The following ADAMTSL3 variants were observed in gnomAD, a reference collection of about 807,000 sequenced individuals.
ADAMTSL3 encodes the protein ADAMTS like 3, also known as ADAMTS-like protein 3.
In ADAMTSL3, 128 loss-of-function variants were observed where a neutral mutation model predicts 201.7. The ratio of observed to expected loss-of-function variants is 0.63; its 90% confidence interval spans 0.55 to 0.73. ADAMTSL3 has a LOEUF of 0.73. Ranked by LOEUF, ADAMTSL3 falls within the 30% of genes least tolerant of loss-of-function variation. ADAMTSL3 has a pLI of 0.00. For synonymous variants in ADAMTSL3, 738 were observed against 748.4 expected, an observed-to-expected ratio of 0.99 and a Z score of 0.23; for missense variants, 1,990 against 2,119.6, an observed-to-expected ratio of 0.94 and a Z score of 1.20.
Position 83,948,479 on chromosome 15 carries a change from T to C in ADAMTSL3, c.2490+5397T>C, listed in dbSNP as rs145665762. On this transcript the variant is annotated intron_variant, in intron 19 of 29. Transcript: ENST00000286744. Reference sequence around the variant, plus strand: ...GAATGAAACACTTTCAGCTTATCGATGGTGCTTAGGATGGAAGTGCCCTCA... The same window carrying C: ...GAATGAAACACTTTCAGCTTATCGACGGTGCTTAGGATGGAAGTGCCCTCA... Among the ~76,000 whole-genome samples the C allele has an allele frequency of 8.1e-3, 1,225 of 151,368 alleles. 14 individuals are homozygous for C. Among genetic ancestry groups the C allele is most frequent in the African/African-American group, 0.028 (1,148 of 41,188 alleles).
At chr15:84,001,995 A>T (rs1424533321) in intron 23 of ADAMTSL3, among the ~76,000 whole-genome samples, 2 of 152,156 alleles carry the variant, frequency 1.3e-5, no homozygotes, top group African/African-American at 2.4e-5. Flanking sequence ...TTGTATTTGG[A>T]TTATTGATTT....
At chr15:83,655,703 G>A in intron 1 of ADAMTSL3, 26 bp from the exon 2 acceptor site, 1 of 1,560,762 alleles carries the variant, frequency 6.4e-7, no homozygotes, top group Non-Finnish European at 8.8e-7. Context: ...GAGCTGGTTG[G>A]TAATGAACTC....
At chr15:83,890,391 T>G in intron 11 of ADAMTSL3, 144 bp downstream of exon 11, 1 of 1,026,450 alleles carries the variant, frequency 9.7e-7, no homozygotes, top group Admixed American at 2.7e-5. Context: ...CATTTGTAAC[T>G]ATGGTGCATA....
intron 2 of ADAMTSL3, among the ~76,000 whole-genome samples, chr15:83,701,198 A>G (rs1214139616): frequency 6.6e-6 from 1 of 152,142 alleles, no homozygotes; most frequent in Non-Finnish European, 1.5e-5. Flanking sequence ...ATAGTCACAG[A>G]TCCATGTATT....
Position 83,734,031 on chromosome 15 carries a change from C to T in ADAMTSL3, c.189+29523C>T, listed in dbSNP as rs979736145. On this transcript the variant is annotated intron_variant, in intron 3 of 29. Coordinates refer to ENST00000286744, the MANE Select transcript of ADAMTSL3 (RefSeq NM_207517.3). ...GAGGGAAGCGTGGTGAGTCTCTCAGCGTAAAAGGAATAGTGAGTCTCTGAG... is the reference window on the plus strand; with the variant it reads ...GAGGGAAGCGTGGTGAGTCTCTCAGTGTAAAAGGAATAGTGAGTCTCTGAG... Among the ~76,000 whole-genome samples, 4 of 151,918 alleles carry T rather than the reference C, an allele frequency of 2.6e-5. No individual in the cohort carries two copies. In the South Asian group the frequency reaches 6.2e-4, roughly 24 times the overall value.
intron 3 of ADAMTSL3, among the ~76,000 whole-genome samples, chr15:83,708,978 T>G (rs1033270133): frequency 1.3e-5 from 2 of 152,194 alleles, no homozygotes; most frequent in Non-Finnish European, 2.9e-5. Context: ...AAGGCTCTCC[T>G]GCTCTGAGAT....
At chr15:83,895,282 G>A (rs1485768958) in intron 13 of ADAMTSL3, among the ~76,000 whole-genome samples, 4 of 152,086 alleles carry the variant, frequency 2.6e-5, no homozygotes, top group South Asian at 2.1e-4. Context: ...ATTTGTTATC[G>A]AGACATTAGG....
chr15:83,856,963 C>G (rs2064748074), intron 7 of ADAMTSL3, among the ~76,000 whole-genome samples: 3 of 151,996 alleles, frequency 2.0e-5, no homozygotes, highest in South Asian at 2.1e-4. Context: ...ACATCCTCAC[C>G]AATACTTGTT....
At chr15:83,903,325 C>T (rs760203710) in intron 15 of ADAMTSL3, among the ~76,000 whole-genome samples, 2 of 148,780 alleles carry the variant, frequency 1.3e-5, no homozygotes, top group Non-Finnish European at 3.0e-5. Context: ...AGTTCAGTGG[C>T]ATTAAGCACA....
chr15:83,773,272 G>A (rs1418884353), intron 3 of ADAMTSL3, among the ~76,000 whole-genome samples: 2 of 152,090 alleles, frequency 1.3e-5, no homozygotes, highest in African/African-American at 2.4e-5. Flanking sequence ...GTTAGGTGTG[G>A]TGGTGGGCGC....
In ADAMTSL3 at chr15:83,718,995, G is replaced by A. The variant is rs79107451; in HGVS notation, c.189+14487G>A. Among the ~76,000 whole-genome samples the A allele has an allele frequency of 3.9e-3, 599 of 152,116 alleles. 2 individuals are homozygous for A. The highest frequency in any genetic ancestry group is 0.014 in the African/African-American group (565 of 41,486). Reference sequence around the variant, plus strand: ...ATAAATAAGGAAGGGATGATAGAATGAGAATGTCATCATTTTGCAACTCTA... The same window carrying A: ...ATAAATAAGGAAGGGATGATAGAATAAGAATGTCATCATTTTGCAACTCTA... On this transcript the variant is annotated intron_variant, in intron 3 of 29. Coordinates refer to ENST00000286744, the MANE Select transcript of ADAMTSL3 (RefSeq NM_207517.3).
rs749073874 is a variant in ADAMTSL3, at chr15:83,982,310, G to A, written c.2682G>A (p.Gln894=). 1 of 1,609,630 alleles carries A rather than the reference G, an allele frequency of 6.2e-7. No homozygotes were observed. The highest frequency in any genetic ancestry group is 1.3e-5 in the African/African-American group (1 of 74,706). The stretch of plus-strand genomic sequence containing the variant: ...AGATGAAGACAAAACTTGGTGAGCA[G>A]GGTCCGCAGATCCTCAGTGTCCAGA... ...KSEMKTKLGE[Q]GPQILSVQRV... is the part of the protein sequence containing the mutation. Residue 894 remains glutamine, a synonymous_variant, in exon 21 of 30, where the codon CAG becomes CAA. Coordinates refer to ENST00000286744, the MANE Select transcript of ADAMTSL3 (RefSeq NM_207517.3).
intron 2 of ADAMTSL3, among the ~76,000 whole-genome samples, chr15:83,692,452 G>A (rs2061623659): frequency 2.0e-5 from 3 of 152,062 alleles, no homozygotes; most frequent in Admixed American, 2.0e-4. Flanking sequence ...TTGGGAGGCC[G>A]AGGTGGGCGG....
intron 7 of ADAMTSL3, among the ~76,000 whole-genome samples, chr15:83,847,181 T>C (rs2064515876): frequency 6.6e-6 from 1 of 152,220 alleles, no homozygotes; most frequent in Non-Finnish European, 1.5e-5. Flanking sequence ...TTGCAGCCGA[T>C]TGTTCTCAAC....
intron 29 of ADAMTSL3, 52 bp downstream of exon 29, chr15:84,037,039 A>AG: frequency 1.3e-6 from 2 of 1,565,046 alleles, no homozygotes; most frequent in Non-Finnish European, 1.8e-6. Flanking sequence ...TGATGGCATC[A>AG]GATCCTGATG....
intron 3 of ADAMTSL3, among the ~76,000 whole-genome samples, chr15:83,772,742 G>A (rs2063005039): frequency 7.0e-6 from 1 of 142,538 alleles, no homozygotes; most frequent in African/African-American, 2.6e-5. Context: ...GTCTTGCTCT[G>A]CTGCCCAGGC....
At chr15:83,966,934 A>G (rs1236813525) in intron 19 of ADAMTSL3, among the ~76,000 whole-genome samples, 1 of 152,240 alleles carries the variant, frequency 6.6e-6, no homozygotes, top group Non-Finnish European at 1.5e-5. Context: ...CAAAAACCAC[A>G]TGATTATCTC....
chr15:83,679,250 C>T (rs376236688), intron 2 of ADAMTSL3, among the ~76,000 whole-genome samples: 1 of 152,056 alleles, frequency 6.6e-6, no homozygotes, highest in East Asian at 1.9e-4. Context: ...CAAGAGTGCT[C>T]ATAATTGCTC....
chr15:83,866,769 G>T (rs1268447334), intron 8 of ADAMTSL3, among the ~76,000 whole-genome samples: 1 of 151,886 alleles, frequency 6.6e-6, no homozygotes, highest in Non-Finnish European at 1.5e-5. Flanking sequence ...TAAAAAAAAA[G>T]AATAAGTAAA....
Sources: allele counts gnomAD v4.1 joint callset (sites outside exome capture counted in the v4.1 genomes callset), GRCh38; gene constraint gnomAD v4.1.1; transcripts MANE v1.5; gene names NCBI Gene and HGNC (gene_info 2026-07-23, HGNC 2026-07-21).